CDH13: variants seen among roughly 807,000 people sequenced by gnomAD.
CDH13 encodes cadherin 13.
In CDH13, 24 loss-of-function variants were observed where a neutral mutation model predicts 63.8. The ratio of observed to expected loss-of-function variants is 0.38; its 90% confidence interval spans 0.27 to 0.53. CDH13 has a LOEUF of 0.53. CDH13 is among the 20% of genes least tolerant of loss of function. The pLI is 0.85. For synonymous variants in CDH13, 503 were observed against 355.3 expected (o/e 1.42, Z -4.67); for missense variants, 1,049 against 903.1 (o/e 1.16, Z -2.07).
In CDH13 at chr16:83,271,422, T is replaced by TTAAAAAA. The variant is rs1555522986; in HGVS notation, c.636+53925_636+53926insTAAAAAA. Among the ~76,000 whole-genome samples the TTAAAAAA allele has an allele frequency of 4.5e-3, 116 of 26,030 alleles. 31 individuals are homozygous for TTAAAAAA. The highest frequency in any genetic ancestry group is 0.011 in the Admixed American group (14 of 1,306). The allele number at this position is 26,030 out of a possible 152,430, so 17.1% of individuals were successfully genotyped here. A position where few individuals can be genotyped will look rare whatever the true frequency, so the allele number is the denominator to read the frequency against. On this transcript the variant is annotated intron_variant, in intron 5 of 13. Transcript: ENST00000567109. ...CTACCGCACATTGAGGCAGAGTTCATAAAAAAAAAAAAAAAAAAAAAAAAA... is the reference window on the plus strand; with the variant it reads ...CTACCGCACATTGAGGCAGAGTTCATTAAAAAAAAAAAAAAAAAAAAAAAAAAAAAAA...
At chr16:82,696,521 G>C (rs530498206) in intron 1 of CDH13, among the ~76,000 whole-genome samples, 2 of 152,116 alleles carry the variant, frequency 1.3e-5, no homozygotes, top group Admixed American at 6.5e-5. Context: ...TGGTTTTGAT[G>C]GCAGCAAATA....
chr16:83,165,734 G>C (rs904238580), intron 4 of CDH13, among the ~76,000 whole-genome samples: 1 of 152,140 alleles, frequency 6.6e-6, no homozygotes, highest in Non-Finnish European at 1.5e-5. Context: ...ATACACATGG[G>C]TGCCGGTTTG....
chr16:83,124,850 A>G (rs1393666610), intron 3 of CDH13, among the ~76,000 whole-genome samples: 1 of 152,152 alleles, frequency 6.6e-6, no homozygotes, highest in African/African-American at 2.4e-5. Flanking sequence ...ATGTGGCTTT[A>G]GTTCTGGATT....
chr16:83,089,852 A>G (rs1268189225), intron 3 of CDH13, among the ~76,000 whole-genome samples: 1 of 152,160 alleles, frequency 6.6e-6, no homozygotes, highest in Non-Finnish European at 1.5e-5. Flanking sequence ...GGATCTTGTA[A>G]AAAATGTAGT....
intron 4 of CDH13, among the ~76,000 whole-genome samples, chr16:83,194,518 A>C (rs902429381): frequency 6.6e-6 from 1 of 152,214 alleles, no homozygotes; most frequent in African/African-American, 2.4e-5. Flanking sequence ...TCTACCAGGC[A>C]GATATTTCTC....
intron 1 of CDH13, chr16:82,826,685 C>T (rs1248773766): frequency 1.3e-5 from 2 of 152,134 alleles, no homozygotes; most frequent in Non-Finnish European, 2.9e-5. Context: ...TGAAGAGTGC[C>T]TGTAAATTAC....
At chr16:83,031,864 G>A (rs1156773701) in intron 2 of CDH13, 146 bp from the exon 3 acceptor site, 6 of 654,542 alleles carry the variant, frequency 9.2e-6, no homozygotes, top group Middle Eastern at 4.2e-4. Flanking sequence ...TTGGGCACAG[G>A]CATCTTGCTG....
At chr16:82,993,623 A>T (rs913575634) in intron 2 of CDH13, among the ~76,000 whole-genome samples, 2 of 152,182 alleles carry the variant, frequency 1.3e-5, no homozygotes, top group Non-Finnish European at 2.9e-5. Context: ...AGCATTAAAG[A>T]CATGTTATAT....
intron 6 of CDH13, among the ~76,000 whole-genome samples, chr16:83,379,641 T>C (rs369286761): frequency 9.2e-5 from 14 of 152,044 alleles, no homozygotes; most frequent in African/African-American, 3.1e-4. Context: ...GGCTCCTGGT[T>C]TATCAGTTAC....
At chr16:83,029,598 G>T (rs999225142) in intron 2 of CDH13, among the ~76,000 whole-genome samples, 1 of 152,132 alleles carries the variant, frequency 6.6e-6, no homozygotes, top group Non-Finnish European at 1.5e-5. Flanking sequence ...ATGTAATGTC[G>T]AATGAAGAAG....
At chr16:82,719,933 G>A (rs1303858695) in intron 1 of CDH13, among the ~76,000 whole-genome samples, 1 of 151,660 alleles carries the variant, frequency 6.6e-6, no homozygotes, top group East Asian at 1.9e-4. Context: ...GTGACTTTCA[G>A]GGAAATGAAA....
intron 1 of CDH13, among the ~76,000 whole-genome samples, chr16:82,785,606 C>A (rs956487725): frequency 2.0e-5 from 3 of 152,290 alleles, no homozygotes; most frequent in Middle Eastern, 3.4e-3. Flanking sequence ...CAAGATTTGT[C>A]TGTCTACAAT....
At chr16:83,379,221 G>A (rs761885868) in intron 6 of CDH13, among the ~76,000 whole-genome samples, 3 of 152,154 alleles carry the variant, frequency 2.0e-5, no homozygotes, top group African/African-American at 7.2e-5. Context: ...AATAACAACT[G>A]TATATGGTTT....
chr16:82,754,827 C>T (rs1007262803), intron 1 of CDH13, among the ~76,000 whole-genome samples: 3 of 152,162 alleles, frequency 2.0e-5, no homozygotes, highest in East Asian at 3.9e-4. Context: ...AAAATCCAAA[C>T]CTTAACTAGT....
At chr16:82,811,783 A>G (rs1183169667) in intron 1 of CDH13, among the ~76,000 whole-genome samples, 27 of 152,150 alleles carry the variant, frequency 1.8e-4, no homozygotes, top group Non-Finnish European at 1.5e-5. Flanking sequence ...GGGTATGTAT[A>G]GACATTGGGG....
chr16:83,247,529 G>A (rs888540016), intron 5 of CDH13, among the ~76,000 whole-genome samples: 2 of 151,584 alleles, frequency 1.3e-5, no homozygotes, highest in African/African-American at 4.9e-5. Context: ...TGTTAAACAT[G>A]CATGTGATTC....
At chr16:82,691,888 C>T (rs543120426) in intron 1 of CDH13, among the ~76,000 whole-genome samples, 1 of 152,142 alleles carries the variant, frequency 6.6e-6, no homozygotes, top group Non-Finnish European at 1.5e-5. Context: ...TCAGGCTTTA[C>T]CGAGACCTCA....
intron 1 of CDH13, among the ~76,000 whole-genome samples, chr16:82,737,991 T>A (rs2033760253): frequency 6.6e-6 from 1 of 152,202 alleles, no homozygotes; most frequent in Admixed American, 6.5e-5. Flanking sequence ...CACCATGCAA[T>A]CTACCCTCTT....
intron 1 of CDH13, among the ~76,000 whole-genome samples, chr16:82,765,760 TGTG>T (rs2035032409): frequency 6.6e-6 from 1 of 152,166 alleles, no homozygotes; most frequent in Admixed American, 6.5e-5. Flanking sequence ...CATGTCTTCC[TGTG>T]GCCCGGGGAA....
Sources: allele counts gnomAD v4.1 joint callset (sites outside exome capture counted in the v4.1 genomes callset), GRCh38; gene constraint gnomAD v4.1.1; transcripts MANE v1.5; gene names NCBI Gene and HGNC (gene_info 2026-07-23, HGNC 2026-07-21).